SYTL4: variants seen among roughly 807,000 people sequenced by gnomAD.
SYTL4 encodes synaptotagmin like 4.
In SYTL4, 16 loss-of-function variants were observed where a neutral mutation model predicts 52.7. The ratio of observed to expected loss-of-function variants is 0.30; its 90% confidence interval spans 0.21 to 0.46. The LOEUF (loss-of-function observed/expected upper bound fraction) is 0.46. SYTL4 is among the 20% of genes least tolerant of loss of function. The pLI is 1.00. For missense variants in SYTL4, 423 were observed against 519.9 expected (o/e 0.81, Z 1.81); for synonymous variants, 160 against 186.6 (o/e 0.86, Z 1.16).
At chrX:100,717,442 G>A (rs149276201) in intron 2 of SYTL4, among the ~76,000 whole-genome samples, 123 of 112,969 alleles carry the variant, frequency 1.1e-3, no homozygotes, top group African/African-American at 3.8e-3. Context: ...CAGGCAAAGT[G>A]CGTAGCACTT....
intron 2 of SYTL4, among the ~76,000 whole-genome samples, chrX:100,714,173 T>G (rs1268173231): frequency 8.9e-6 from 1 of 112,174 alleles, no homozygotes; most frequent in East Asian, 2.8e-4. Flanking sequence ...CTAAACTTTC[T>G]TCTTGTAATC....
chrX:100,678,336 G>A, intron 19 of SYTL4, 55 bp downstream of exon 19: 1 of 921,337 alleles, frequency 1.1e-6, no homozygotes, highest in Middle Eastern at 3.6e-4. Context: ...ATGGTAATAG[G>A]AGTAAAATAG....
intron 2 of SYTL4, among the ~76,000 whole-genome samples, chrX:100,723,989 C>G (rs1444664964): frequency 1.0e-5 from 1 of 100,334 alleles, no homozygotes; most frequent in Non-Finnish European, 2.0e-5. Context: ...CCCCGCCCGG[C>G]CAGCCGCCCC....
At chrX:100,691,048 C>G (rs2083587540) in intron 9 of SYTL4, 60 bp downstream of exon 9, 3 of 874,733 alleles carry the variant, frequency 3.4e-6, no homozygotes, top group South Asian at 4.3e-5. Flanking sequence ...AACACTGATG[C>G]TGCAGAACAA....
chrX:100,726,967 A>C (rs2084531645), intron 2 of SYTL4, among the ~76,000 whole-genome samples: 1 of 105,732 alleles, frequency 9.5e-6, no homozygotes, highest in Non-Finnish European at 1.9e-5. Flanking sequence ...CTATCATCCC[A>C]CTCTCCATGT....
intron 2 of SYTL4, among the ~76,000 whole-genome samples, chrX:100,708,069 C>T (rs2083994516): frequency 1.2e-5 from 1 of 80,839 alleles, no homozygotes; most frequent in African/African-American, 4.8e-5. Context: ...ACACCGGGGC[C>T]TGTCGGGGGT....
intron 2 of SYTL4, among the ~76,000 whole-genome samples, chrX:100,714,302 C>T (rs1431959841): frequency 9.3e-6 from 1 of 107,292 alleles, no homozygotes; most frequent in East Asian, 2.9e-4. Flanking sequence ...TGCTGTTGCC[C>T]AGGCTGGAGT....
intron 2 of SYTL4, among the ~76,000 whole-genome samples, chrX:100,716,975 G>T (rs945901360): frequency 1.8e-5 from 2 of 111,556 alleles, no homozygotes; most frequent in Non-Finnish European, 3.8e-5. Flanking sequence ...TGGCTCTTGG[G>T]TTAAATAATG....
chrX:100,686,012 T>A lies in SYTL4; in HGVS notation c.1427A>T (p.His476Leu). 8.3e-7 allele frequency: 1 copy of A among 1,201,932 alleles called. No homozygotes were observed. Among genetic ancestry groups the A allele is most frequent in the East Asian group, 3.0e-5 (1 of 33,577 alleles). Residue 476 changes from histidine (H) to leucine (L), a missense_variant, in exon 16 of 20, where the codon CAT (histidine) becomes CTT (leucine). By Grantham distance (99) the His-to-Leu change is moderately conservative. Transcript: ENST00000372989. ...DSWKLDKKLD[H>L]CLPLHGKISA... ...TACCTTTCCATGTAAAGGGAGGCAA[T>A]GATCCAGTTTCTTATCAAGCTTCCA...
intron 2 of SYTL4, among the ~76,000 whole-genome samples, chrX:100,714,365 T>C (rs2084150943): frequency 1.8e-5 from 2 of 109,281 alleles, no homozygotes; most frequent in African/African-American, 3.4e-5. Flanking sequence ...GTTCACGCCA[T>C]TCTCCTGCCT....
chrX:100,732,076 C>T lies in SYTL4; in HGVS notation c.-400G>A, dbSNP rs1035780372. Reference sequence around the variant, plus strand: ...GGTTTCAAGGGAGGGTCTCCGGCTCCGGGAAGATCGCAACCCAGCTCCGGC... The same window carrying T: ...GGTTTCAAGGGAGGGTCTCCGGCTCTGGGAAGATCGCAACCCAGCTCCGGC... On this transcript the variant is annotated 5_prime_UTR_variant, in exon 1 of 20. Coordinates refer to ENST00000372989, the MANE Select transcript of SYTL4 (RefSeq NM_001370165.1). 2 of 112,056 alleles carry T rather than the reference C, an allele frequency of 1.8e-5. No homozygotes were observed. Among genetic ancestry groups the T allele is most frequent in the Admixed American group, 9.3e-5 (1 of 10,716 alleles). 9.2% of individuals were successfully genotyped at this position (112,056 alleles called of 1,213,427 possible).
intron 2 of SYTL4, among the ~76,000 whole-genome samples, chrX:100,705,787 C>G (rs145731494): frequency 1.7e-3 from 185 of 111,785 alleles, no homozygotes; most frequent in African/African-American, 5.8e-3. Flanking sequence ...ATGGAACTAC[C>G]AATATTGTAC....
chrX:100,700,548 A>G (rs975479723), intron 8 of SYTL4, among the ~76,000 whole-genome samples: 1 of 112,151 alleles, frequency 8.9e-6, no homozygotes, highest in Non-Finnish European at 1.9e-5. Flanking sequence ...ATTTTCACAT[A>G]ATGTGAAAAC....
At chrX:100,723,841 C>T (rs1421930857) in intron 2 of SYTL4, among the ~76,000 whole-genome samples, 1 of 108,554 alleles carries the variant, frequency 9.2e-6, no homozygotes, top group Admixed American at 9.6e-5. Context: ...GGAGCGTCTC[C>T]GCCTGGCAGC....
In SYTL4 at chrX:100,687,221, T is replaced by G; in HGVS notation, c.1030A>C (p.Ile344Leu). 8.3e-7 allele frequency: 1 copy of G among 1,211,265 alleles called. No individual in the cohort carries two copies. The change falls in exon 14 of 20, where the codon ATC (isoleucine) becomes CTC (leucine). Residue 344 changes from isoleucine to leucine, a missense_variant. By Grantham distance (5) the Ile-to-Leu change is conservative (BLOSUM62 2). Transcript: ENST00000372989. ...CCGAAATCACCAGCTTCACTGTAGA[T>G]GCTCATCATGCTGCCGATCGTACTC... ...SMSTIGSMMS[I>L]YSEAGDFGNI...
At chrX:100,692,194 T>C (rs1343743991) in intron 8 of SYTL4, among the ~76,000 whole-genome samples, 1 of 111,706 alleles carries the variant, frequency 9.0e-6, no homozygotes, top group African/African-American at 3.3e-5. Flanking sequence ...TTAGTAACCT[T>C]CCTCTGTGCT....
At chrX:100,696,748 C>T (rs1353791619) in intron 8 of SYTL4, among the ~76,000 whole-genome samples, 1 of 111,602 alleles carries the variant, frequency 9.0e-6, no homozygotes, top group Non-Finnish European at 1.9e-5. Flanking sequence ...CAAAACTATT[C>T]ACAACTATTA....
intron 2 of SYTL4, among the ~76,000 whole-genome samples, chrX:100,726,914 A>G (rs1215080075): frequency 9.0e-6 from 1 of 110,613 alleles, no homozygotes; most frequent in Non-Finnish European, 1.9e-5. Flanking sequence ...ATTTCTCATC[A>G]TCTACCCTTC....
rs1343502787 is a variant in SYTL4, at chrX:100,687,093, A to C, written c.1158T>G (p.Ala386=). Residue 386 remains alanine (A), a synonymous_variant, in exon 14 of 20, where the codon GCT becomes GCG. Coordinates refer to ENST00000372989, the MANE Select transcript of SYTL4 (RefSeq NM_001370165.1). ...HVKECHQLAY[A]DEAKKRSNPY... The stretch of plus-strand genomic sequence containing the variant: ...GGTTAGAGCGCTTCTTGGCTTCATC[A>C]GCATAGGCCAGCTGATGGCACTCCT... The C allele has an allele frequency of 6.6e-6, 8 of 1,209,294 alleles. No individual in the cohort carries two copies. In the African/African-American group the frequency reaches 1.2e-4, roughly 19 times the overall value.
Sources: gnomAD v4.1 joint callset for allele counts (sites outside exome capture counted in the v4.1 genomes callset) on GRCh38, gnomAD v4.1.1 for gene constraint, MANE v1.5 for transcripts, NCBI Gene and HGNC (gene_info 2026-07-23, HGNC 2026-07-21) for gene names.